The following BABAM2 variants were observed in gnomAD, a reference collection of about 807,000 sequenced individuals.
BABAM2 encodes BRISC and BRCA1 A complex member 2, also known as BRISC and BRCA1-A complex member 2.
A neutral mutation model predicts 54.7 loss-of-function variants in BABAM2; 31 were observed. The ratio of observed to expected loss-of-function variants is 0.57; its 90% CI spans 0.43 to 0.77. The LOEUF is 0.77. Among genes scored for constraint, BABAM2 ranks in the 30% least tolerant of loss-of-function variants. The pLI, the probability that BABAM2 is intolerant of heterozygous loss-of-function variation, is 0.00. For synonymous variants in BABAM2, 167 were observed against 162.9 expected (o/e 1.03, Z -0.19); for missense variants, 364 against 455.8 (o/e 0.80, Z 1.83).
At chr2:28,004,131 C>A (rs199926435) in intron 4 of BABAM2, among the ~76,000 whole-genome samples, 583 of 136,236 alleles carry the variant, frequency 4.3e-3, no homozygotes, top group Middle Eastern at 7.4e-3. Context: ...TTTTAAAAAG[C>A]AAAAAAAAAA....
chr2:28,032,121 A>C (rs1286341469), intron 5 of BABAM2, among the ~76,000 whole-genome samples: 1 of 152,206 alleles, frequency 6.6e-6, no homozygotes, highest in Admixed American at 6.5e-5. Flanking sequence ...AATGCTTGCT[A>C]TAAAGAATCT....
chr2:27,963,884 C>G (rs1670657640), intron 3 of BABAM2, among the ~76,000 whole-genome samples: 1 of 152,160 alleles, frequency 6.6e-6, no homozygotes, highest in Non-Finnish European at 1.5e-5. Flanking sequence ...TTTAAAGAGA[C>G]AGCTACTGTG....
At chr2:27,965,703 G>A (rs1039677171) in intron 3 of BABAM2, among the ~76,000 whole-genome samples, 2 of 152,096 alleles carry the variant, frequency 1.3e-5, no homozygotes, top group African/African-American at 4.8e-5. Context: ...ACATACATAT[G>A]TAAAATGTGT....
chr2:27,892,270 G>T (rs1666054122), intron 1 of BABAM2: 1 of 152,144 alleles, frequency 6.6e-6, no homozygotes, highest in South Asian at 2.1e-4. Context: ...TGTTCTCAGG[G>T]AACAGAGTTG....
At chr2:28,166,710 A>C (rs1441923222) in intron 7 of BABAM2, among the ~76,000 whole-genome samples, 1 of 152,168 alleles carries the variant, frequency 6.6e-6, no homozygotes, top group Admixed American at 6.5e-5. Context: ...TCATGACATT[A>C]CAGTTATCTT....
intron 3 of BABAM2, among the ~76,000 whole-genome samples, chr2:27,984,465 A>G (rs553447869): frequency 1.4e-4 from 22 of 152,198 alleles, no homozygotes; most frequent in Non-Finnish European, 2.5e-4. Context: ...CATAGATACA[A>G]TTGATCATCT....
chr2:28,198,927 TA>T (rs143925479), intron 7 of BABAM2, among the ~76,000 whole-genome samples: 4,304 of 152,160 alleles, frequency 0.028, 168 homozygotes, highest in African/African-American at 0.096. Context: ...ACAAAACCTG[TA>T]AAAAACCTAA....
rs1681995408 is a variant in BABAM2, at chr2:28,237,215, T to C, written c.694T>C (p.Ser232Pro). 6.2e-6 allele frequency: 10 copies of C among 1,613,686 alleles called. No homozygotes were observed. Among genetic ancestry groups the C allele is most frequent in the South Asian group, 1.1e-5 (1 of 91,072 alleles). ...TTGTCCTTTCAGTGCACTTGGAGGC[T>C]CCTCAGCTCTTCATATCCCAGCTTT... ...SPRIEHALGG[S>P]SALHIPAFPG... The change falls in exon 8 of 12, where the codon TCC (serine) becomes CCC (proline). Residue 232 changes from serine to proline, a missense_variant. By Grantham distance (74) the Ser-to-Pro change is moderately conservative (BLOSUM62 -1). Transcript: ENST00000379624.
chr2:27,889,973 G>C, upstream of BABAM2: 1 of 337,682 alleles, frequency 3.0e-6, no homozygotes, highest in Non-Finnish European at 5.4e-6. Flanking sequence ...GTCTTTGGGG[G>C]CGCAAGTCTT....
At chr2:27,987,682 A>G (rs571758024) in intron 3 of BABAM2, among the ~76,000 whole-genome samples, 1 of 151,910 alleles carries the variant, frequency 6.6e-6, no homozygotes, top group Non-Finnish European at 1.5e-5. Flanking sequence ...GGGCATGGTG[A>G]CATGTTCCTG....
intron 7 of BABAM2, among the ~76,000 whole-genome samples, chr2:28,133,734 T>C (rs947525109): frequency 5.9e-5 from 9 of 152,242 alleles, no homozygotes; most frequent in African/African-American, 1.9e-4. Flanking sequence ...AGGGCTACTT[T>C]TGGGTCTTGT....
intron 10 of BABAM2, among the ~76,000 whole-genome samples, chr2:28,266,146 G>A (rs549577600): frequency 2.6e-5 from 4 of 152,042 alleles, no homozygotes; most frequent in South Asian, 4.2e-4. Flanking sequence ...CACCACGCTC[G>A]GCTAAGTTTT....
At chr2:28,080,778 C>T (rs578152527) in intron 6 of BABAM2, among the ~76,000 whole-genome samples, 2 of 152,300 alleles carry the variant, frequency 1.3e-5, no homozygotes, top group Admixed American at 1.3e-4. Context: ...TTTCAGTGAA[C>T]TCCCTATTTG....
At chr2:27,927,524 T>C (rs1335969501) in intron 2 of BABAM2, among the ~76,000 whole-genome samples, 1 of 152,220 alleles carries the variant, frequency 6.6e-6, no homozygotes, top group Non-Finnish European at 1.5e-5. Flanking sequence ...CGTCATTAGA[T>C]TGTACTTCAT....
At chr2:28,016,531 G>A in intron 4 of BABAM2, 1 of 741,140 alleles carries the variant, frequency 1.3e-6, no homozygotes, top group Non-Finnish European at 2.3e-6. Flanking sequence ...CTGGGCCGGA[G>A]AGATGGCCGA....
intron 10 of BABAM2, among the ~76,000 whole-genome samples, chr2:28,263,061 G>A (rs1210280789): frequency 6.8e-6 from 1 of 147,828 alleles, no homozygotes; most frequent in Non-Finnish European, 1.5e-5. Flanking sequence ...GAAAGGTGAA[G>A]CAATTTATCT....
At chr2:28,333,423 T>C (rs1448456660) in intron 11 of BABAM2, among the ~76,000 whole-genome samples, 1 of 152,132 alleles carries the variant, frequency 6.6e-6, no homozygotes, top group Non-Finnish European at 1.5e-5. Context: ...AGAAGAGATT[T>C]ACCCTGGGCC....
chr2:28,112,156 TCCCTCCC>T (rs1558346913), intron 6 of BABAM2, among the ~76,000 whole-genome samples: 227 of 11,414 alleles, frequency 0.02, 69 homozygotes, highest in African/African-American at 0.074. Context: ...TTTACCTCCC[TCCCTCCC>T]TCCCTCCCTC....
At chr2:28,016,846 G>A (rs1228853586) in intron 4 of BABAM2, among the ~76,000 whole-genome samples, 8 of 152,114 alleles carry the variant, frequency 5.3e-5, no homozygotes, top group African/African-American at 1.4e-4. Flanking sequence ...CATTTTGTTC[G>A]TAATAGTTGA....
Sources: gnomAD v4.1 joint callset for allele counts (sites outside exome capture counted in the v4.1 genomes callset) on GRCh38, gnomAD v4.1.1 for gene constraint, MANE v1.5 for transcripts, NCBI Gene and HGNC (gene_info 2026-07-23, HGNC 2026-07-21) for gene names.